ESR1: variants seen among roughly 807,000 people sequenced by gnomAD.
The protein encoded by ESR1 is estrogen receptor 1.
ESR1 carries 12 observed loss-of-function variants against 52.7 expected under a neutral mutation model. The observed-to-expected ratio is 0.23, with a 90% confidence interval of 0.15 to 0.37. ESR1 has a LOEUF of 0.37. Ranked by LOEUF, ESR1 falls within the 10% of genes least tolerant of loss-of-function variation. The pLI, the probability that ESR1 is intolerant of heterozygous loss-of-function variation, is 1.00. For missense variants in ESR1, 584 were observed against 779.7 expected, an observed-to-expected ratio of 0.75 and a Z score of 2.99; for synonymous variants, 305 against 316.8, an observed-to-expected ratio of 0.96 and a Z score of 0.39.
intron 1 of ESR1, among the ~76,000 whole-genome samples, chr6:151,827,525 A>G (rs1397591589): frequency 2.6e-5 from 4 of 152,176 alleles, no homozygotes; most frequent in East Asian, 3.8e-4. Flanking sequence ...AACGTTTTCA[A>G]ATCTTTACAG....
rs570199389 is a variant in ESR1 at position 151,672,724 on chromosome 6, C to T, written n.73+15961C>T. ...CTGACCTCAGGTGATCCACCCACCT[C>T]GGCCTCCCAGAGTGCTGGGATTACA... On this transcript the variant is annotated intron_variant and non_coding_transcript_variant, in intron 1 of 2. Coordinates refer to the ESR1 transcript ENST00000473497. 7.2e-5 allele frequency among the ~76,000 whole-genome samples: 11 copies of T among 152,160 alleles called. 1 individual carries two copies. The highest frequency in any genetic ancestry group is 2.2e-4 in the African/African-American group (9 of 41,510).
At chr6:151,784,179 A>G (rs1786804081) in intron 2 of ESR1, among the ~76,000 whole-genome samples, 1 of 152,138 alleles carries the variant, frequency 6.6e-6, no homozygotes, top group African/African-American at 2.4e-5. Context: ...CTCACAATGA[A>G]GGAGTGGGGA....
At chr6:151,676,102 G>A (rs1778241288) in intron 1 of ESR1, among the ~76,000 whole-genome samples, 2 of 152,232 alleles carry the variant, frequency 1.3e-5, no homozygotes, top group Non-Finnish European at 2.9e-5. Flanking sequence ...CAGAATGGAA[G>A]TAGGACAAAG....
At chr6:151,971,532 C>T (rs899912683) in intron 4 of ESR1, among the ~76,000 whole-genome samples, 1 of 152,034 alleles carries the variant, frequency 6.6e-6, no homozygotes, top group African/African-American at 2.4e-5. Flanking sequence ...ACCGTGGAAA[C>T]AAAATAGCCT....
chr6:151,788,764 A>T (rs1787251341), intron 2 of ESR1, among the ~76,000 whole-genome samples: 1 of 152,230 alleles, frequency 6.6e-6, no homozygotes, highest in Admixed American at 6.5e-5. Context: ...ATAGAATACT[A>T]TGCAGCCACC....
intron 2 of ESR1, among the ~76,000 whole-genome samples, chr6:151,858,236 A>G (rs1788232449): frequency 6.6e-6 from 1 of 152,246 alleles, no homozygotes; most frequent in Non-Finnish European, 1.5e-5. Context: ...GGTTGTTGAG[A>G]AATCATAGCA....
At chr6:151,669,679 T>A (rs1777980722) in intron 1 of ESR1, among the ~76,000 whole-genome samples, 1 of 152,130 alleles carries the variant, frequency 6.6e-6, no homozygotes, top group South Asian at 2.1e-4. Context: ...GTAGGGCTGT[T>A]GGAAGGATGG....
At chr6:151,686,074 T>C (rs1436016095), upstream of ESR1, among the ~76,000 whole-genome samples, 1 of 146,590 alleles carries the variant, frequency 6.8e-6, no homozygotes. Flanking sequence ...ATTTTTTTTT[T>C]TTTTTTTTTT....
chr6:151,667,289 A>G (rs886627939), intron 1 of ESR1, among the ~76,000 whole-genome samples: 11 of 152,216 alleles, frequency 7.2e-5, no homozygotes, highest in African/African-American at 1.9e-4. Flanking sequence ...TTTTCCCACT[A>G]GACAGTCAAT....
chr6:152,125,131 A>T, intron 6 of ESR1: 2 of 952,684 alleles, frequency 2.1e-6, no homozygotes, highest in Non-Finnish European at 2.9e-6. Flanking sequence ...TTCAGATTCT[A>T]CAGTTAAAGG....
intron 5 of ESR1, among the ~76,000 whole-genome samples, chr6:152,029,314 A>C (rs1377056767): frequency 6.6e-6 from 1 of 152,224 alleles, no homozygotes; most frequent in African/African-American, 2.4e-5. Flanking sequence ...TAATTGAGAA[A>C]AGAAGGCTTC....
At chr6:151,712,354 G>A (rs1291926770) in intron 2 of ESR1, among the ~76,000 whole-genome samples, 2 of 152,110 alleles carry the variant, frequency 1.3e-5, no homozygotes, top group Non-Finnish European at 2.9e-5. Flanking sequence ...GAAATTTAAA[G>A]TAGTTTTTTC....
intron 6 of ESR1, among the ~76,000 whole-genome samples, chr6:152,070,673 G>A (rs1231715411): frequency 7.2e-6 from 1 of 138,526 alleles, no homozygotes; most frequent in African/African-American, 3.2e-5. Context: ...GCTGAAGGAT[G>A]GAAAAGCAAA....
At chr6:152,027,395 C>T (rs1487223992) in intron 5 of ESR1, among the ~76,000 whole-genome samples, 1 of 152,182 alleles carries the variant, frequency 6.6e-6, no homozygotes, top group African/African-American at 2.4e-5. Context: ...TGTCCACCTT[C>T]AGATTATATG....
chr6:151,943,584 G>A (rs2035358277), intron 3 of ESR1, among the ~76,000 whole-genome samples: 1 of 152,092 alleles, frequency 6.6e-6, no homozygotes, highest in Admixed American at 6.6e-5. Context: ...AACAGTGAAG[G>A]ACTTAGCACC....
At chr6:151,991,387 C>CA (rs892552858) in intron 4 of ESR1, among the ~76,000 whole-genome samples, 6 of 150,542 alleles carry the variant, frequency 4.0e-5, no homozygotes, top group African/African-American at 1.2e-4. Context: ...AATTTGACTA[C>CA]AAAAAACATT....
chr6:152,096,519 C>T, intron 7 of ESR1: 1 of 406,900 alleles, frequency 2.5e-6, no homozygotes, highest in Non-Finnish European at 5.0e-6. Context: ...ATGGTATATG[C>T]CCCCAACATT....
Position 151,669,191 on chromosome 6 carries a change from G to A in ESR1, n.73+12428G>A, listed in dbSNP as rs565558157. On this transcript the variant is annotated intron_variant and non_coding_transcript_variant, in intron 1 of 2. Coordinates refer to the ESR1 transcript ENST00000473497. The stretch of plus-strand genomic sequence containing the variant: ...GAGAGAGAGAGAGAGAGAGAGAGAT[G>A]GGAATCCAGGGGAGAACAGAACAAG... Among the ~76,000 whole-genome samples, 364 of 37,678 alleles carry A rather than the reference G, an allele frequency of 9.7e-3. 26 individuals carry two copies. The highest frequency in any genetic ancestry group is 0.013 in the Non-Finnish European group (243 of 18,626). The allele number at this position is 37,678 out of a possible 152,430, so 24.7% of individuals were successfully genotyped here. A position where few individuals can be genotyped will look rare whatever the true frequency, so the allele number is the denominator to read the frequency against.
At position 152,099,418 on chromosome 6, in the gene ESR1, AG is replaced by A; in HGVS notation, c.*453del. 3.1e-6 allele frequency: 1 copy of A among 322,658 alleles called. No homozygotes were observed. The highest frequency in any genetic ancestry group is 4.5e-5 in the Admixed American group (1 of 22,188). The allele number at this position is 322,658 out of a possible 1,614,324, so 20.0% of individuals were successfully genotyped here. A position where few individuals can be genotyped will look rare whatever the true frequency, so the allele number is the denominator to read the frequency against. ...GTGGCTCCTTTAATTGGTGACTTGG[AG>A]AAAGCTAGGTCAAGGGTTTATTATA... is the stretch of plus-strand genomic sequence containing the variant. On this transcript the variant is annotated 3_prime_UTR_variant, in exon 8 of 8. Transcript: ENST00000206249.
Sources: allele counts gnomAD v4.1 joint callset (sites outside exome capture counted in the v4.1 genomes callset), GRCh38; gene constraint gnomAD v4.1.1; transcripts MANE v1.5; gene names NCBI Gene and HGNC (gene_info 2026-07-23, HGNC 2026-07-21).